CSMD1: variants seen among roughly 807,000 people sequenced by gnomAD.
CSMD1 encodes the protein CUB and Sushi multiple domains 1.
CSMD1 carries 213 observed loss-of-function variants against 417.5 expected under a neutral mutation model. The ratio of observed to expected loss-of-function variants is 0.51; its 90% CI spans 0.46 to 0.57. The LOEUF (loss-of-function observed/expected upper bound fraction) is 0.57, where lower values mean the gene tolerates loss of function less well. Among genes scored for constraint, CSMD1 ranks in the 20% least tolerant of loss-of-function variants. The pLI, the probability that CSMD1 is intolerant of heterozygous loss-of-function variation, is 0.00. For synonymous variants in CSMD1, 2,862 were observed against 1,736.8 expected (o/e 1.65, Z -16.11); for missense variants, 6,923 against 4,529.7 (o/e 1.53, Z -15.17).
intron 7 of CSMD1, among the ~76,000 whole-genome samples, chr8:3,662,559 A>T (rs1227914145): frequency 6.6e-6 from 1 of 152,232 alleles, no homozygotes. Flanking sequence ...TATACCCAGT[A>T]ATGGGATCGC....
At chr8:4,010,504 C>T (rs993659804) in intron 4 of CSMD1, among the ~76,000 whole-genome samples, 1 of 152,160 alleles carries the variant, frequency 6.6e-6, no homozygotes, top group African/African-American at 2.4e-5. Flanking sequence ...CCCAACTCTA[C>T]CTCAGCCATG....
At chr8:3,068,124 A>G (rs1255048128) in intron 49 of CSMD1, among the ~76,000 whole-genome samples, 1 of 152,200 alleles carries the variant, frequency 6.6e-6, no homozygotes, top group Non-Finnish European at 1.5e-5. Context: ...AGATTTTTCA[A>G]AATGGCTTGA....
intron 20 of CSMD1, among the ~76,000 whole-genome samples, chr8:3,366,161 C>T (rs554929709): frequency 1.3e-5 from 2 of 152,288 alleles, no homozygotes; most frequent in South Asian, 4.1e-4. Flanking sequence ...TCGTCCAAAG[C>T]ATCATATGCA....
At chr8:3,878,554 G>A (rs1311695152) in intron 5 of CSMD1, among the ~76,000 whole-genome samples, 2 of 152,006 alleles carry the variant, frequency 1.3e-5, no homozygotes, top group Non-Finnish European at 2.9e-5. Flanking sequence ...ATATAGATAG[G>A]AAGTATAGAA....
chr8:3,253,747 T>G (rs1800443388), intron 26 of CSMD1, among the ~76,000 whole-genome samples: 1 of 152,196 alleles, frequency 6.6e-6, no homozygotes, highest in African/African-American at 2.4e-5. Context: ...CTCCATCCTT[T>G]TATTTTGAGC....
chr8:4,804,276 G>C (rs1321816551), intron 1 of CSMD1, among the ~76,000 whole-genome samples: 2 of 152,116 alleles, frequency 1.3e-5, no homozygotes, highest in Non-Finnish European at 2.9e-5. Context: ...AATTATTGAA[G>C]CTGGAAAACC....
intron 1 of CSMD1, among the ~76,000 whole-genome samples, chr8:4,701,973 C>G (rs1410303753): frequency 6.6e-6 from 1 of 152,138 alleles, no homozygotes; most frequent in Admixed American, 6.5e-5. Context: ...ATGGATGGAG[C>G]TGGAAGCCAT....
intron 10 of CSMD1, among the ~76,000 whole-genome samples, chr8:3,526,835 T>G (rs776391357): frequency 2.0e-5 from 3 of 152,220 alleles, no homozygotes; most frequent in Non-Finnish European, 2.9e-5. Context: ...TATTCTCCTT[T>G]GCTTTCTTAT....
intron 1 of CSMD1, among the ~76,000 whole-genome samples, chr8:4,938,567 C>T (rs986680442): frequency 1.3e-5 from 2 of 152,192 alleles, no homozygotes; most frequent in Non-Finnish European, 2.9e-5. Flanking sequence ...TGCCCTCACA[C>T]AGTTGTCAGT....
chr8:3,957,655 G>A (rs191674638), intron 5 of CSMD1, among the ~76,000 whole-genome samples: 1 of 152,078 alleles, frequency 6.6e-6, no homozygotes, highest in African/African-American at 2.4e-5. Flanking sequence ...CTGCACTCCA[G>A]CCTGGGCTAT....
intron 25 of CSMD1, among the ~76,000 whole-genome samples, chr8:3,300,249 A>G (rs927432303): frequency 6.6e-6 from 1 of 152,176 alleles, no homozygotes; most frequent in Non-Finnish European, 1.5e-5. Context: ...AGATAAATGA[A>G]CATATCACAT....
intron 23 of CSMD1, among the ~76,000 whole-genome samples, chr8:3,318,524 A>G (rs1805933244): frequency 1.3e-5 from 2 of 152,220 alleles, no homozygotes; most frequent in South Asian, 2.1e-4. Flanking sequence ...CATATTCCCT[A>G]TTAAAAGGAT....
chr8:3,206,815 C>G (rs967199622), intron 30 of CSMD1, among the ~76,000 whole-genome samples: 2 of 152,110 alleles, frequency 1.3e-5, no homozygotes, highest in Admixed American at 6.6e-5. Flanking sequence ...GTTCAATGCA[C>G]TTTTTAAAGC....
In CSMD1 at chr8:4,482,397, C is replaced by A. The variant is rs554596020; in HGVS notation, c.303-62332G>T. Among the ~76,000 whole-genome samples, 263 of 152,298 alleles carry A rather than the reference C, an allele frequency of 1.7e-3. 1 individual carries two copies. Among genetic ancestry groups the A allele is most frequent in the African/African-American group, 5.5e-3 (230 of 41,570 alleles). Reference sequence around the variant, plus strand: ...TGCTAAGGATAATGGCCTCCAGCTCCATCCATGCTCCTGCAAAGGACATGA... The same window carrying A: ...TGCTAAGGATAATGGCCTCCAGCTCAATCCATGCTCCTGCAAAGGACATGA... On this transcript the variant is annotated intron_variant, in intron 2 of 69. Coordinates refer to ENST00000635120, the MANE Select transcript of CSMD1 (RefSeq NM_033225.6).
chr8:3,749,886 GA>G (rs1444399862), intron 6 of CSMD1, among the ~76,000 whole-genome samples: 6 of 152,034 alleles, frequency 3.9e-5, no homozygotes, highest in Non-Finnish European at 1.5e-5. Flanking sequence ...ATCTCCTGGG[GA>G]CATTCTCTGT....
chr8:4,889,944 A>G (rs1419006027), intron 1 of CSMD1, among the ~76,000 whole-genome samples: 1 of 152,102 alleles, frequency 6.6e-6, no homozygotes, highest in East Asian at 1.9e-4. Context: ...TTACAGCCAG[A>G]ATGTATGACC....
At chr8:4,410,965 A>C (rs776259008) in intron 3 of CSMD1, among the ~76,000 whole-genome samples, 2 of 152,134 alleles carry the variant, frequency 1.3e-5, no homozygotes, top group African/African-American at 4.8e-5. Context: ...TTAGTTATTG[A>C]AACAGTGGAT....
chr8:4,280,099 T>C (rs34202814), intron 3 of CSMD1, among the ~76,000 whole-genome samples: 4,375 of 152,330 alleles, frequency 0.029, 213 homozygotes, highest in African/African-American at 0.099. Flanking sequence ...CTCTGTTTTG[T>C]ATGCTCTCTT....
chr8:4,948,399 CCAGT>C (rs1563842397), intron 1 of CSMD1, among the ~76,000 whole-genome samples: 1 of 151,788 alleles, frequency 6.6e-6, no homozygotes, highest in African/African-American at 2.4e-5. Context: ...TAGTTACTTG[CCAGT>C]CATTCATTGG....
Sources: allele counts gnomAD v4.1 joint callset (sites outside exome capture counted in the v4.1 genomes callset), GRCh38; gene constraint gnomAD v4.1.1; transcripts MANE v1.5; gene names NCBI Gene and HGNC (gene_info 2026-07-23, HGNC 2026-07-21).